LHFPL5: variants seen among roughly 807,000 people sequenced by gnomAD.
The protein encoded by LHFPL5 is LHFPL tetraspan subfamily member 5 protein.
In LHFPL5, 12 loss-of-function variants were observed where a neutral mutation model predicts 18.7. The ratio of observed to expected loss-of-function variants is 0.64; its 90% confidence interval spans 0.41 to 1.04. The LOEUF (loss-of-function observed/expected upper bound fraction) is 1.04. LHFPL5 is among the 50% of genes least tolerant of loss of function. The pLI is 0.00. For missense variants in LHFPL5, 259 were observed against 292.1 expected (o/e 0.89, Z 0.83); for synonymous variants, 111 against 120.2 (o/e 0.92, Z 0.50).
chr6:35,805,799 C>T lies in LHFPL5; in HGVS notation c.129C>T (p.Leu43=). 1 of 1,614,254 alleles carries T rather than the reference C, an allele frequency of 6.2e-7. No individual in the cohort carries two copies. The highest frequency in any genetic ancestry group is 8.5e-7 in the Non-Finnish European group (1 of 1,180,050). ...GCTTCTCCGTACTGGTCATGGCCCT[C>T]TTCATCCAGCCCTACTGGATCGGCG... ...TICFSVLVMA[L]FIQPYWIGDS... The change falls in exon 1 of 4, where the codon CTC becomes CTT. Residue 43 remains leucine, a synonymous_variant. Transcript: ENST00000360215. The surrounding 1 kb of genome is among the most constrained non-coding windows in gnomAD (Gnocchi z 4.3).
intron 3 of LHFPL5, among the ~76,000 whole-genome samples, chr6:35,820,423 G>A (rs1768843789): frequency 6.6e-6 from 1 of 152,032 alleles, no homozygotes; most frequent in Non-Finnish European, 1.5e-5. Flanking sequence ...AAAGAGGACC[G>A]GGCGCGGTGA....
chr6:35,811,514 T>A (rs2151070092), intron 1 of LHFPL5: 1 of 152,432 alleles, frequency 6.6e-6, no homozygotes, highest in African/African-American at 2.4e-5. Flanking sequence ...TGACACCCAC[T>A]GTCCCCAGAA....
intron 1 of LHFPL5, among the ~76,000 whole-genome samples, chr6:35,809,865 C>T (rs889435739): frequency 1.3e-5 from 2 of 152,174 alleles, no homozygotes; most frequent in African/African-American, 2.4e-5. Flanking sequence ...TGTGATATTT[C>T]GATACATGTA....
intron 3 of LHFPL5, 119 bp downstream of exon 3, chr6:35,819,582 G>T (rs565476203): frequency 2.0e-6 from 2 of 976,240 alleles, no homozygotes; most frequent in Non-Finnish European, 3.2e-6. Flanking sequence ...CTGTGATGCT[G>T]CTTGGGGAGA....
chr6:35,823,670 C>T lies in LHFPL5; in HGVS notation c.*705C>T, dbSNP rs1768921107. The T allele has an allele frequency of 6.6e-6, 1 of 151,882 alleles. No individual in the cohort carries two copies. The highest frequency in any genetic ancestry group is 2.4e-5 in the African/African-American group (1 of 41,246). 9.4% of individuals were successfully genotyped at this position (151,882 alleles called of 1,614,324 possible). ...TGGAGGGGCCATCAGAACTTGAATC[C>T]TTTAACATCCACCAGGAAGTTTTAT... On this transcript the variant is annotated 3_prime_UTR_variant, in exon 4 of 4. Coordinates refer to ENST00000360215, the MANE Select transcript of LHFPL5 (RefSeq NM_182548.4).
intron 3 of LHFPL5, among the ~76,000 whole-genome samples, 188 bp from the exon 4 acceptor site, chr6:35,822,794 G>C (rs968472461): frequency 6.6e-6 from 1 of 152,122 alleles, no homozygotes; most frequent in Non-Finnish European, 1.5e-5. Context: ...ATTTTTAGTA[G>C]AGACAGGGTT....
Position 35,814,546 on chromosome 6 carries a change from C to T in LHFPL5, c.413C>T (p.Ala138Val). The T allele has an allele frequency of 6.2e-7, 1 of 1,612,618 alleles. No individual in the cohort carries two copies. The highest frequency in any genetic ancestry group is 1.7e-4 in the Middle Eastern group (1 of 6,056). Residue 138 changes from alanine (A) to valine (V), a missense_variant and splice_region_variant, in exon 2 of 4, where the codon GCC becomes GTC. Physicochemically the swap from Ala to Val is moderately conservative, Grantham distance 64. Transcript: ENST00000360215. The surrounding 1 kb of genome is among the most constrained non-coding windows in gnomAD (Gnocchi z 4.2). Reference protein sequence around the residue: ...KICAWMQLAAATGLMIGCLVY... With the variant: ...KICAWMQLAAVTGLMIGCLVY... ...ATGTGCACCCCTCCTTCCCCCTCAGCCACAGGCCTAATGATTGGCTGCCTG... is the reference window on the plus strand; with the variant it reads ...ATGTGCACCCCTCCTTCCCCCTCAGTCACAGGCCTAATGATTGGCTGCCTG...
In LHFPL5 at chr6:35,818,338, TATATATATA is replaced by T. The variant is rs1561955579; in HGVS notation, c.650-1098_650-1090del. Among the ~76,000 whole-genome samples the T allele has an allele frequency of 9.0e-3, 135 of 15,010 alleles. 4 individuals are homozygous for T. Among genetic ancestry groups the T allele is most frequent in the East Asian group, 0.016 (5 of 306 alleles). 9.8% of individuals were successfully genotyped at this position (15,010 alleles called of 152,430 possible). A position where few individuals can be genotyped will look rare whatever the true frequency, so the allele number is the denominator to read the frequency against. The stretch of plus-strand genomic sequence containing the variant: ...TAAAAGCCATATATATATATATATA[TATATATATA>T]TGTATTTTTTTTTTTTTTTTTTTTT... On this transcript the variant is annotated intron_variant, in intron 2 of 3. Coordinates refer to ENST00000360215, the MANE Select transcript of LHFPL5 (RefSeq NM_182548.4).
At chr6:35,806,840 T>C (rs1768577639) in intron 1 of LHFPL5, among the ~76,000 whole-genome samples, 1 of 152,162 alleles carries the variant, frequency 6.6e-6, no homozygotes. Flanking sequence ...TGTTTGTTTT[T>C]TGAGACAGAG....
At chr6:35,813,792 CTTT>C (rs1012092184) in intron 1 of LHFPL5, among the ~76,000 whole-genome samples, 5 of 121,524 alleles carry the variant, frequency 4.1e-5, no homozygotes, top group Admixed American at 1.7e-4. Context: ...TTTCCTTTTC[CTTT>C]TTTTTTTTTT....
At chr6:35,812,829 C>T (rs921690438) in intron 1 of LHFPL5, among the ~76,000 whole-genome samples, 13 of 152,122 alleles carry the variant, frequency 8.5e-5, no homozygotes, top group African/African-American at 2.9e-4. Flanking sequence ...CCAAGGCCGG[C>T]GGATCACTTG....
At chr6:35,811,422 G>A (rs1392045311) in intron 1 of LHFPL5, 1 of 152,240 alleles carries the variant, frequency 6.6e-6, no homozygotes, top group East Asian at 1.9e-4. Context: ...ACAACAGGAC[G>A]GAAGTCAGAG....
chr6:35,820,071 C>T (rs951697452), intron 3 of LHFPL5, among the ~76,000 whole-genome samples: 1 of 152,154 alleles, frequency 6.6e-6, no homozygotes, highest in Non-Finnish European at 1.5e-5. Context: ...CACACAAGAA[C>T]AGACTGTTTT....
At chr6:35,821,494 T>TGTGTATGTGTGTGTG (rs1768867146) in intron 3 of LHFPL5, among the ~76,000 whole-genome samples, 2 of 147,996 alleles carry the variant, frequency 1.4e-5, no homozygotes, top group Admixed American at 6.8e-5. Context: ...TGTGTGTGTG[T>TGTGTATGTGTGTGTG]TCTTGACACG....
chr6:35,805,922 AG>A lies in LHFPL5; in HGVS notation c.253del (p.Asp85ThrfsTer57). On this transcript the variant is annotated frameshift_variant, in exon 1 of 4. Transcript: ENST00000360215. LOFTEE classifies it high-confidence loss of function. This position sits in a 1 kb window ranked among gnomAD's most constrained non-coding sequence, Gnocchi z 4.3. ...AGCTCATCTGCAAGGGCGGCCCCCT[AG>A]ACTTCTCCTCCATCCCCTCTAGAGC... ...SELICKGGPL[D>X]FSSIPSRAFK... The A allele has an allele frequency of 6.2e-7, 1 of 1,614,150 alleles. No homozygotes were observed. Among genetic ancestry groups the A allele is most frequent in the Non-Finnish European group, 8.5e-7 (1 of 1,180,012 alleles).
chr6:35,810,826 C>CAAAAAAAAA (rs11339201), intron 1 of LHFPL5, among the ~76,000 whole-genome samples: 1 of 87,752 alleles, frequency 1.1e-5, no homozygotes. Context: ...GACTCCGTCT[C>CAAAAAAAAA]AAAAAAAAAA....
intron 3 of LHFPL5, among the ~76,000 whole-genome samples, chr6:35,822,707 T>C (rs924243080): frequency 1.3e-5 from 2 of 151,992 alleles, no homozygotes; most frequent in African/African-American, 4.8e-5. Context: ...CAGGATGGTG[T>C]TGATCTCCTG....
chr6:35,821,857 A>T (rs1417576713), intron 3 of LHFPL5, among the ~76,000 whole-genome samples: 2 of 39,136 alleles, frequency 5.1e-5, no homozygotes, highest in African/African-American at 8.8e-5. Context: ...GTGTACCACA[A>T]TTTTTTTTTT....
intron 2 of LHFPL5, among the ~76,000 whole-genome samples, chr6:35,815,634 C>T (rs1297960534): frequency 6.6e-6 from 1 of 152,082 alleles, no homozygotes; most frequent in Non-Finnish European, 1.5e-5. Flanking sequence ...TCACATTAGC[C>T]CTTGGATTAG....
Sources: gnomAD v4.1 joint callset for allele counts (sites outside exome capture counted in the v4.1 genomes callset) on GRCh38, gnomAD v4.1.1 for gene constraint, Gnocchi (gnomAD v3.1) non-coding constraint, MANE v1.5 for transcripts, NCBI Gene and HGNC (gene_info 2026-07-23, HGNC 2026-07-21) for gene names.